CASK: variants seen among roughly 807,000 people sequenced by gnomAD.
The protein encoded by CASK is peripheral plasma membrane protein CASK.
In CASK, 4 loss-of-function variants were observed where a neutral mutation model predicts 82.9. That is an observed-to-expected ratio of 0.05 (90% CI 0.02 to 0.11). The LOEUF (loss-of-function observed/expected upper bound fraction) is 0.11, where lower values mean the gene tolerates loss of function less well. CASK is among the 10% of genes least tolerant of loss of function. The pLI is 1.00. For synonymous variants in CASK, 259 were observed against 253.5 expected (o/e 1.02, Z -0.20); for missense variants, 358 against 720.9 (o/e 0.50, Z 5.76).
intron 24 of CASK, among the ~76,000 whole-genome samples, chrX:41,533,674 T>G (rs909008119): frequency 8.9e-6 from 1 of 112,386 alleles, no homozygotes; most frequent in African/African-American, 3.2e-5. Context: ...TTTATTTTTT[T>G]TTGAGACGGA....
chrX:41,828,020 G>A (rs1432796728), intron 2 of CASK, among the ~76,000 whole-genome samples: 1 of 111,704 alleles, frequency 9.0e-6, no homozygotes, highest in African/African-American at 3.3e-5. Flanking sequence ...TAAGCACTAA[G>A]CTGAGATGCT....
intron 8 of CASK, among the ~76,000 whole-genome samples, chrX:41,659,464 GA>G (rs2147461991): frequency 9.1e-6 from 1 of 109,998 alleles, no homozygotes; most frequent in East Asian, 2.9e-4. Context: ...CTGACCTTGT[GA>G]TCCACCCACC....
chrX:41,668,472 A>C (rs1391846660), intron 6 of CASK, among the ~76,000 whole-genome samples: 1 of 111,909 alleles, frequency 8.9e-6, no homozygotes, highest in Non-Finnish European at 1.9e-5. Flanking sequence ...AATTGTGAGG[A>C]GCATGAGTGG....
intron 1 of CASK, among the ~76,000 whole-genome samples, chrX:41,856,953 T>G (rs2071385013): frequency 9.0e-6 from 1 of 110,844 alleles, no homozygotes; most frequent in Admixed American, 9.6e-5. Context: ...GGGGGAATAT[T>G]GGAAGCCAGA....
intron 2 of CASK, among the ~76,000 whole-genome samples, chrX:41,808,014 C>T (rs2070165633): frequency 9.0e-6 from 1 of 111,200 alleles, no homozygotes; most frequent in Admixed American, 9.6e-5. Context: ...TGCCACCATG[C>T]CCAGTTAATT....
intron 12 of CASK, among the ~76,000 whole-genome samples, chrX:41,605,836 G>T (rs961974368): frequency 1.8e-5 from 2 of 110,375 alleles, no homozygotes; most frequent in Non-Finnish European, 3.8e-5. Flanking sequence ...GCGCCACCAT[G>T]CCTAGCTAAT....
At chrX:41,897,429 C>A (rs2072288855) in intron 1 of CASK, among the ~76,000 whole-genome samples, 1 of 111,791 alleles carries the variant, frequency 8.9e-6, no homozygotes, top group African/African-American at 3.2e-5. Context: ...ACCATCCTTG[C>A]ATTCCAGGGA....
intron 5 of CASK, among the ~76,000 whole-genome samples, chrX:41,702,835 T>C (rs1247847519): frequency 8.9e-6 from 1 of 112,087 alleles, no homozygotes; most frequent in Non-Finnish European, 1.9e-5. Context: ...TCTTTAAAAC[T>C]AGTCTTCTAA....
chrX:41,591,573 C>T lies in CASK; in HGVS notation c.1156-1981G>A, dbSNP rs749527146. 1.4e-4 allele frequency among the ~76,000 whole-genome samples: 16 copies of T among 110,696 alleles called. No individual in the cohort carries two copies. The East Asian group carries it at 1.7e-3, about 12-fold the overall frequency. On this transcript the variant is annotated intron_variant, in intron 12 of 26. Coordinates refer to ENST00000378163, the MANE Select transcript of CASK (RefSeq NM_001367721.1). ...CACTGCAGCCTCTGCCTCCTCGGTT[C>T]GAGCGATTCTCCTGCCTCAGCCTCC...
intron 3 of CASK, among the ~76,000 whole-genome samples, chrX:41,754,823 A>AGTAAT (rs1441344428): frequency 2.7e-5 from 3 of 111,200 alleles, no homozygotes; most frequent in Admixed American, 9.6e-5. Context: ...AAACTGAATC[A>AGTAAT]GTAATTTAAT....
chrX:41,706,658 T>C (rs1371634092), intron 5 of CASK, among the ~76,000 whole-genome samples: 1 of 111,803 alleles, frequency 8.9e-6, no homozygotes, highest in Non-Finnish European at 1.9e-5. Flanking sequence ...TATACACATA[T>C]ACTTTTTTTT....
chrX:41,726,090 G>C (rs2068255190), intron 5 of CASK, among the ~76,000 whole-genome samples: 1 of 111,916 alleles, frequency 8.9e-6, no homozygotes, highest in African/African-American at 3.2e-5. Flanking sequence ...TGGGATAACA[G>C]GCATGAGCCA....
chrX:41,783,864 T>C (rs375813556), intron 3 of CASK, among the ~76,000 whole-genome samples: 90 of 112,030 alleles, frequency 8.0e-4, no homozygotes, highest in African/African-American at 2.8e-3. Flanking sequence ...ACTGTGGACA[T>C]TGATTATGTT....
intron 4 of CASK, among the ~76,000 whole-genome samples, chrX:41,744,122 C>A (rs953093701): frequency 9.3e-5 from 10 of 107,021 alleles, no homozygotes; most frequent in Middle Eastern, 9.4e-3. Context: ...GCCGCCCGCA[C>A]CCCCCGCAAA....
intron 5 of CASK, chrX:41,696,409 G>A (rs2067689741): frequency 8.5e-7 from 1 of 1,181,322 alleles, no homozygotes; most frequent in Non-Finnish European, 1.1e-6. Flanking sequence ...CCTAATTCTG[G>A]TAAATATGCC....
chrX:41,864,955 T>C (rs757154632), intron 1 of CASK, among the ~76,000 whole-genome samples: 1 of 111,988 alleles, frequency 8.9e-6, no homozygotes, highest in Non-Finnish European at 1.9e-5. Flanking sequence ...AGTTTCTAGG[T>C]CTAAAGACAT....
Position 41,614,858 on chromosome X carries a change from G to A in CASK, c.1034-4833C>T, listed in dbSNP as rs2066166953. ...TTCTGAGGCAGGGTCTTGCTCTGTT[G>A]CCCAGGTTGGAGTGCAGTGGCACAA... On this transcript the variant is annotated intron_variant, in intron 11 of 26. Coordinates refer to ENST00000378163, the MANE Select transcript of CASK (RefSeq NM_001367721.1). Among the ~76,000 whole-genome samples, 3 of 110,539 alleles carry A rather than the reference G, an allele frequency of 2.7e-5. No homozygotes were observed. In the South Asian group the frequency reaches 1.2e-3, roughly 43 times the overall value.
intron 5 of CASK, among the ~76,000 whole-genome samples, chrX:41,681,801 C>T (rs1327549032): frequency 6.4e-5 from 7 of 109,322 alleles, no homozygotes; most frequent in African/African-American, 1.7e-4. Flanking sequence ...AAAAATTAGC[C>T]GGGCATGGTG....
At chrX:41,909,650 G>A (rs2072527527) in intron 1 of CASK, among the ~76,000 whole-genome samples, 1 of 110,581 alleles carries the variant, frequency 9.0e-6, no homozygotes, top group African/African-American at 3.3e-5. Flanking sequence ...TATCGCCCAG[G>A]CTGGAGTGCA....
Sources: gnomAD v4.1 joint callset for allele counts (sites outside exome capture counted in the v4.1 genomes callset) on GRCh38, gnomAD v4.1.1 for gene constraint, MANE v1.5 for transcripts, NCBI Gene and HGNC (gene_info 2026-07-23, HGNC 2026-07-21) for gene names.